LRRTM4: variants seen among roughly 807,000 people sequenced by gnomAD.
LRRTM4 encodes the protein leucine-rich repeat transmembrane neuronal protein 4.
In LRRTM4, 25 loss-of-function variants were observed where a neutral mutation model predicts 47.6. The ratio of observed to expected loss-of-function variants is 0.53; its 90% CI spans 0.38 to 0.73. The LOEUF (loss-of-function observed/expected upper bound fraction) is 0.73. Ranked by LOEUF, LRRTM4 falls within the 30% of genes least tolerant of loss-of-function variation. The pLI is 0.00. For synonymous variants in LRRTM4, 311 were observed against 269.5 expected, an observed-to-expected ratio of 1.15 and a Z score of -1.51; for missense variants, 638 against 713.4, an observed-to-expected ratio of 0.89 and a Z score of 1.20.
intron 3 of LRRTM4, among the ~76,000 whole-genome samples, chr2:76,918,121 T>C (rs141606964): frequency 1.1e-4 from 17 of 152,298 alleles, no homozygotes; most frequent in African/African-American, 3.4e-4. Context: ...CACAAAACAA[T>C]GACAATTATG....
intron 3 of LRRTM4, among the ~76,000 whole-genome samples, chr2:77,435,707 G>C (rs553497307): frequency 6.6e-6 from 1 of 152,240 alleles, no homozygotes; most frequent in South Asian, 2.1e-4. Context: ...ACACAGGACA[G>C]CCCAAAACGT....
At chr2:76,853,506 T>G (rs544383252) in intron 3 of LRRTM4, among the ~76,000 whole-genome samples, 13 of 152,154 alleles carry the variant, frequency 8.5e-5, no homozygotes, top group African/African-American at 3.1e-4. Flanking sequence ...GATATTAGAG[T>G]TATCTTTGGA....
intron 3 of LRRTM4, among the ~76,000 whole-genome samples, chr2:77,029,289 A>G (rs960565795): frequency 2.0e-5 from 3 of 151,916 alleles, no homozygotes; most frequent in Admixed American, 1.3e-4. Flanking sequence ...AAGTCCCACA[A>G]TAGGCCGTCT....
chr2:77,397,351 G>A (rs1427468528), intron 3 of LRRTM4, among the ~76,000 whole-genome samples: 1 of 151,804 alleles, frequency 6.6e-6, no homozygotes, highest in Non-Finnish European at 1.5e-5. Context: ...TCATAAAAAG[G>A]GGAGGAGGAG....
intron 3 of LRRTM4, among the ~76,000 whole-genome samples, chr2:77,315,616 G>T (rs1485075097): frequency 6.6e-6 from 1 of 152,114 alleles, no homozygotes; most frequent in Non-Finnish European, 1.5e-5. Flanking sequence ...GTTTCTTCCT[G>T]ACTCTAGACC....
intron 3 of LRRTM4, among the ~76,000 whole-genome samples, chr2:76,827,931 T>C (rs1041601295): frequency 4.0e-5 from 6 of 151,828 alleles, no homozygotes; most frequent in African/African-American, 1.4e-4. Flanking sequence ...GGGAAGACAA[T>C]AGATGAAATG....
chr2:77,450,731 T>A (rs773337843), intron 3 of LRRTM4, among the ~76,000 whole-genome samples: 1 of 152,100 alleles, frequency 6.6e-6, no homozygotes, highest in Non-Finnish European at 1.5e-5. Flanking sequence ...ATTTTTACCA[T>A]AAACATTCCA....
At chr2:77,036,975 T>C (rs1295132118) in intron 3 of LRRTM4, among the ~76,000 whole-genome samples, 1 of 151,676 alleles carries the variant, frequency 6.6e-6, no homozygotes, top group Non-Finnish European at 1.5e-5. Context: ...AAATTGGAGA[T>C]GACTCAGATG....
chr2:76,836,368 C>T (rs1432530488), intron 3 of LRRTM4, among the ~76,000 whole-genome samples: 1 of 151,794 alleles, frequency 6.6e-6, no homozygotes, highest in Admixed American at 6.6e-5. Context: ...TTGCTCAACA[C>T]ATATTATCTT....
chr2:77,356,895 G>T lies in LRRTM4; in HGVS notation c.1551+161423C>A, dbSNP rs115242447. 1.8e-3 allele frequency among the ~76,000 whole-genome samples: 272 copies of T among 152,084 alleles called. 1 individual carries two copies. The highest frequency in any genetic ancestry group is 3.1e-3 in the Non-Finnish European group (209 of 67,970). ...TGTTGTGAAGGCCTAATTAATTAAT[G>T]TATTTGATTTTTTTGAAAGAGTATA... On this transcript the variant is annotated intron_variant, in intron 3 of 3. Coordinates refer to ENST00000409884, the MANE Select transcript of LRRTM4 (RefSeq NM_001134745.3).
intron 3 of LRRTM4, among the ~76,000 whole-genome samples, chr2:76,932,708 G>A (rs1488684855): frequency 6.6e-6 from 1 of 151,646 alleles, no homozygotes; most frequent in Non-Finnish European, 1.5e-5. Flanking sequence ...ATATATGAAT[G>A]TGTTCATATA....
At chr2:76,817,930 A>G (rs1257800641) in intron 3 of LRRTM4, among the ~76,000 whole-genome samples, 1 of 151,966 alleles carries the variant, frequency 6.6e-6, no homozygotes, top group Non-Finnish European at 1.5e-5. Context: ...AAAGCATATC[A>G]TAATTCATAT....
chr2:76,962,695 A>G (rs1360144990), intron 3 of LRRTM4, among the ~76,000 whole-genome samples: 1 of 150,694 alleles, frequency 6.6e-6, no homozygotes, highest in Non-Finnish European at 1.5e-5. Flanking sequence ...TTTTAATATA[A>G]TATTAAATAA....
At chr2:77,084,257 C>A (rs773812792) in intron 3 of LRRTM4, among the ~76,000 whole-genome samples, 2 of 152,080 alleles carry the variant, frequency 1.3e-5, no homozygotes, top group Non-Finnish European at 2.9e-5. Flanking sequence ...TCTTAGATTC[C>A]GACACTTGTA....
chr2:77,263,188 G>GGAA (rs1675964698), intron 3 of LRRTM4, among the ~76,000 whole-genome samples: 1 of 152,036 alleles, frequency 6.6e-6, no homozygotes, highest in African/African-American at 2.4e-5. Flanking sequence ...ACACATAGAG[G>GGAA]TTCCTTGAGA....
intron 3 of LRRTM4, among the ~76,000 whole-genome samples, chr2:77,110,387 G>T (rs1671218004): frequency 6.6e-6 from 1 of 152,068 alleles, no homozygotes; most frequent in East Asian, 1.9e-4. Context: ...ACACAACCTT[G>T]CTAAAGTTTC....
chr2:77,417,712 A>G (rs1674696021), intron 3 of LRRTM4, among the ~76,000 whole-genome samples: 2 of 150,306 alleles, frequency 1.3e-5, no homozygotes, highest in Non-Finnish European at 3.0e-5. Flanking sequence ...GAATTGAACA[A>G]TGAGAACACA....
chr2:76,881,093 G>A (rs1279367936), intron 3 of LRRTM4, among the ~76,000 whole-genome samples: 3 of 152,008 alleles, frequency 2.0e-5, no homozygotes, highest in Admixed American at 1.3e-4. Context: ...AAGAAAGAAC[G>A]TTCCCAACAC....
intron 3 of LRRTM4, among the ~76,000 whole-genome samples, chr2:77,244,707 G>A (rs193102355): frequency 5.7e-4 from 87 of 152,178 alleles, no homozygotes; most frequent in African/African-American, 2.0e-3. Flanking sequence ...TTAAGATTAG[G>A]CTAAAAAACT....
Sources: allele counts gnomAD v4.1 joint callset (sites outside exome capture counted in the v4.1 genomes callset), GRCh38; gene constraint gnomAD v4.1.1; transcripts MANE v1.5; gene names NCBI Gene and HGNC (gene_info 2026-07-23, HGNC 2026-07-21).